SULT1C4: variants seen among roughly 807,000 people sequenced by gnomAD.
The protein encoded by SULT1C4 is sulfotransferase 1C4.
A neutral mutation model predicts 34.8 loss-of-function variants in SULT1C4; 32 were observed. That is an observed-to-expected ratio of 0.92 (90% CI 0.69 to 1.23). The LOEUF is 1.23. SULT1C4 is among the 50% of genes most tolerant of loss of function. The pLI, the probability that SULT1C4 is intolerant of heterozygous loss-of-function variation, is 0.00. For synonymous variants in SULT1C4, 111 were observed against 120.5 expected (o/e 0.92, Z 0.51); for missense variants, 375 against 365.9 (o/e 1.02, Z -0.20).
intron 1 of SULT1C4, 26 bp from the exon 2 acceptor site, chr2:108,381,736 T>G: frequency 1.5e-6 from 2 of 1,364,870 alleles, no homozygotes; most frequent in East Asian, 5.5e-5. Context: ...AGATGTCTAT[T>G]CATCTTCATT....
In SULT1C4 at chr2:108,378,320, C is replaced by G. The variant is rs1431317227; in HGVS notation, c.-18C>G. ...AGATAACTTTGTGTCTGGAAGAGCCCTCTGATTTCTTACACTAATGGCCTT... is the reference window on the plus strand; with the variant it reads ...AGATAACTTTGTGTCTGGAAGAGCCGTCTGATTTCTTACACTAATGGCCTT... On this transcript the variant is annotated 5_prime_UTR_variant, in exon 1 of 7. Transcript: ENST00000272452. 6.2e-7 allele frequency: 1 copy of G among 1,609,222 alleles called. No homozygotes were observed. Among genetic ancestry groups the G allele is most frequent in the Admixed American group, 1.7e-5 (1 of 59,554 alleles).
In SULT1C4 at chr2:108,383,114, C is replaced by G; in HGVS notation, c.415C>G (p.Pro139Ala). ...NCKIIYVARN[P>A]KDNMVSYYHF... The stretch of plus-strand genomic sequence containing the variant: ...CCAGATAATCTATGTAGCAAGAAAT[C>G]CCAAGGACAACATGGTGTCCTATTA... The change falls in exon 4 of 7, where the codon CCC (proline) becomes GCC (alanine). Residue 139 changes from proline to alanine, a missense_variant. By Grantham distance (27) the Pro-to-Ala change is conservative. Coordinates refer to ENST00000272452, the MANE Select transcript of SULT1C4 (RefSeq NM_006588.4). The G allele has an allele frequency of 6.2e-7, 1 of 1,602,910 alleles. No individual in the cohort carries two copies. Among genetic ancestry groups the G allele is most frequent in the Non-Finnish European group, 8.5e-7 (1 of 1,175,314 alleles).
rs553498589 is a variant in SULT1C4 at position 108,381,643 on chromosome 2, AAAAAC to A, written c.170-94_170-90del. 337 of 1,191,414 alleles carry A rather than the reference AAAAAC, an allele frequency of 2.8e-4. 1 individual carries two copies. The highest frequency in any genetic ancestry group is 2.5e-3 in the South Asian group (68 of 27,166). 73.8% of individuals were successfully genotyped at this position (1,191,414 alleles called of 1,614,324 possible). On this transcript the variant is annotated intron_variant, in intron 1 of 6. Coordinates refer to ENST00000272452, the MANE Select transcript of SULT1C4 (RefSeq NM_006588.4). ...TGATACAGAGCAAGACCCTGTCTCA[AAAAAC>A]AAAACAAAACAAAACAAAACAAAAG... is the stretch of plus-strand genomic sequence containing the variant.
intron 1 of SULT1C4, 70 bp from the exon 2 acceptor site, chr2:108,381,692 G>C (rs1678400327): frequency 2.5e-5 from 32 of 1,305,510 alleles, no homozygotes; most frequent in Non-Finnish European, 3.2e-5. Flanking sequence ...GTTCTAACAA[G>C]TATTTGATCA....
Position 108,378,289 on chromosome 2 carries a change from G to A in SULT1C4, c.-49G>A. Reference sequence around the variant, plus strand: ...TCTATCCACAACGCAGCCATATGCTGACTGAAGATAACTTTGTGTCTGGAA... The same window carrying A: ...TCTATCCACAACGCAGCCATATGCTAACTGAAGATAACTTTGTGTCTGGAA... On this transcript the variant is annotated 5_prime_UTR_variant, in exon 1 of 7. Coordinates refer to ENST00000272452, the MANE Select transcript of SULT1C4 (RefSeq NM_006588.4). 6.3e-7 allele frequency: 1 copy of A among 1,575,030 alleles called. No homozygotes were observed.
At position 108,387,266 on chromosome 2, in the gene SULT1C4, A is replaced by T. The variant is rs1678592230; in HGVS notation, c.797-54A>T. 7 of 1,335,482 alleles carry T rather than the reference A, an allele frequency of 5.2e-6. No individual in the cohort carries two copies. The Admixed American group carries it at 1.1e-4, about 22-fold the overall frequency. 82.7% of individuals were successfully genotyped at this position (1,335,482 alleles called of 1,614,324 possible). ...ATCATACAGAAACAGGAGAATAGGG[A>T]AGCACAGACTCTTCCAACAGCTACT... is the stretch of plus-strand genomic sequence containing the variant. On this transcript the variant is annotated intron_variant, in intron 6 of 6. Transcript: ENST00000272452.
rs755758304 is a variant in SULT1C4, at chr2:108,383,260, C to T, written c.520+41C>T. ...TTTGTTTCCCTTCGTTTCTCAAAAT[C>T]TCCAAACACCCTAGAAGGAAAGAAT... On this transcript the variant is annotated intron_variant, in intron 4 of 6. Coordinates refer to ENST00000272452, the MANE Select transcript of SULT1C4 (RefSeq NM_006588.4). 6 of 1,605,506 alleles carry T rather than the reference C, an allele frequency of 3.7e-6. No homozygotes were observed. The Middle Eastern group carries it at 6.6e-4, about 177-fold the overall frequency.
intron 1 of SULT1C4, 98 bp downstream of exon 1, chr2:108,378,604 C>A: frequency 7.2e-7 from 1 of 1,387,866 alleles, no homozygotes; most frequent in African/African-American, 1.4e-5. Flanking sequence ...ATCTGGAAAA[C>A]TCTGGACAGA....
chr2:108,378,971 C>T (rs1275872361), intron 1 of SULT1C4, among the ~76,000 whole-genome samples: 1 of 152,130 alleles, frequency 6.6e-6, no homozygotes, highest in Non-Finnish European at 1.5e-5. Flanking sequence ...AACCATCCTT[C>T]TGATTTCCAC....
Position 108,381,791 on chromosome 2 carries a change from T to C in SULT1C4, c.199T>C (p.Leu67=). Residue 67 remains leucine (L), a synonymous_variant, in exon 2 of 7, where the codon TTA becomes CTA. Transcript: ENST00000272452. ...GTTWTQEIVE[L]IQNEGDVEKS... ...AACATGGACTCAGGAGATAGTGGAA[T>C]TAATACAAAATGAAGGTGATGTGGA... is the stretch of plus-strand genomic sequence containing the variant. The C allele has an allele frequency of 6.9e-7, 1 of 1,452,494 alleles. No individual in the cohort carries two copies. The allele number at this position is 1,452,494 out of a possible 1,614,324, so 90.0% of individuals were successfully genotyped here.
In SULT1C4 at chr2:108,388,321, G is replaced by C. The variant is rs1558704068; in HGVS notation, c.*889G>C. ...CACCCTCAGCTAATGCTACAATCCTGGAGTCACCTCTTGACTCATCTTTCC... is the reference window on the plus strand; with the variant it reads ...CACCCTCAGCTAATGCTACAATCCTCGAGTCACCTCTTGACTCATCTTTCC... On this transcript the variant is annotated 3_prime_UTR_variant, in exon 7 of 7. Transcript: ENST00000272452. Among the ~76,000 whole-genome samples, 1 of 152,038 alleles carries C rather than the reference G, an allele frequency of 6.6e-6. No homozygotes were observed. The highest frequency in any genetic ancestry group is 2.4e-5 in the African/African-American group (1 of 41,392).
rs1167565647 is a variant in SULT1C4 at position 108,383,193 on chromosome 2, AT to A, written c.498del (p.Phe166LeufsTer18). On this transcript the variant is annotated frameshift_variant, in exon 4 of 7. Coordinates refer to ENST00000272452, the MANE Select transcript of SULT1C4 (RefSeq NM_006588.4). LOFTEE classifies it high-confidence loss of function. ...CCTGCTCCAGGAACATGGGAAGAGT[AT>A]TTTGAGACTTTTCTGGCTGGGAAAG... ...ALPAPGTWEE[Y>X]FETFLAGKVC... 1.2e-6 allele frequency: 2 copies of A among 1,610,360 alleles called. No individual in the cohort carries two copies. Among genetic ancestry groups the A allele is most frequent in the South Asian group, 2.2e-5 (2 of 89,708 alleles).
chr2:108,382,618 T>A (rs571431372), intron 3 of SULT1C4, 136 bp downstream of exon 3: 1 of 731,094 alleles, frequency 1.4e-6, no homozygotes, highest in Admixed American at 2.6e-5. Flanking sequence ...TTAATATGAA[T>A]CCTAGCCAGG....
In SULT1C4 at chr2:108,386,219, G is replaced by A; in HGVS notation, c.643G>A (p.Ala215Thr). Residue 215 changes from alanine (A) to threonine (T), a missense_variant, in exon 6 of 7, where the codon GCA becomes ACA. By Grantham distance (58) the Ala-to-Thr change is moderately conservative (BLOSUM62 0). Transcript: ENST00000272452. Reference sequence around the variant, plus strand: ...CCCAAAGCATGAAATTCAGAAGCTGGCAGAATTTATTGGGAAGAAATTAGA... The same window carrying A: ...CCCAAAGCATGAAATTCAGAAGCTGACAGAATTTATTGGGAAGAAATTAGA... ...KNPKHEIQKL[A>T]EFIGKKLDDK... 1 of 1,528,230 alleles carries A rather than the reference G, an allele frequency of 6.5e-7. No individual in the cohort carries two copies. The allele number at this position is 1,528,230 out of a possible 1,614,324, so 94.7% of individuals were successfully genotyped here.
chr2:108,383,349 A>T, intron 4 of SULT1C4, 67 bp from the exon 5 acceptor site: 1 of 1,592,024 alleles, frequency 6.3e-7, no homozygotes, highest in Non-Finnish European at 8.6e-7. Flanking sequence ...CTCTTCAGGA[A>T]TTCTCCTTTC....
rs145563832 is a variant in SULT1C4, at chr2:108,381,574, CCCAGGAGGCAGTGAG to C, written c.170-184_170-170del. Among the ~76,000 whole-genome samples, 1,163 of 152,198 alleles carry C rather than the reference CCCAGGAGGCAGTGAG, an allele frequency of 7.6e-3. 21 individuals are homozygous for C. Among genetic ancestry groups the C allele is most frequent in the African/African-American group, 0.027 (1,119 of 41,518 alleles). ...GGCTGAGGCGAGAGGATCGCTTGAA[CCCAGGAGGCAGTGAG>C]CCAAGATTGCACCATTGAACTCCAG... On this transcript the variant is annotated intron_variant, in intron 1 of 6. Transcript: ENST00000272452.
rs753469326 is a variant in SULT1C4, at chr2:108,383,535, T to TA, written c.615+26dup. ...GGTGAGCACAGTGCCATCTAAGGTG[T>TA]ACCCACTGGACCATAAAACATTTAA... On this transcript the variant is annotated intron_variant, in intron 5 of 6. Coordinates refer to ENST00000272452, the MANE Select transcript of SULT1C4 (RefSeq NM_006588.4). 1.2e-5 allele frequency: 20 copies of TA among 1,600,376 alleles called. No homozygotes were observed. The East Asian group carries it at 4.5e-4, about 36-fold the overall frequency.
chr2:108,383,092 G>T lies in SULT1C4; in HGVS notation c.394-1G>T. 1.3e-6 allele frequency: 2 copies of T among 1,567,130 alleles called. No homozygotes were observed. Among genetic ancestry groups the T allele is most frequent in the Non-Finnish European group, 1.7e-6 (2 of 1,160,228 alleles). On this transcript the variant is annotated splice_acceptor_variant, in intron 3 of 6. Transcript: ENST00000272452. LOFTEE classifies it high-confidence loss of function. ...CCTTCCCCTCCCCTCATCATTCCCA[G>T]ATAATCTATGTAGCAAGAAATCCCA...
intron 4 of SULT1C4, 28 bp from the exon 5 acceptor site, chr2:108,383,388 T>C (rs778183011): frequency 5.0e-6 from 8 of 1,609,974 alleles, no homozygotes; most frequent in South Asian, 2.2e-5. Flanking sequence ...CTGTGACTCA[T>C]TGTCCTGTTT....
Sources: allele counts gnomAD v4.1 joint callset (sites outside exome capture counted in the v4.1 genomes callset), GRCh38; gene constraint gnomAD v4.1.1; transcripts MANE v1.5; gene names NCBI Gene and HGNC (gene_info 2026-07-23, HGNC 2026-07-21).